NXPE4: variants seen among roughly 807,000 people sequenced by gnomAD.
NXPE4 encodes the protein NXPE family member 4.
NXPE4 carries 42 observed loss-of-function variants against 33.3 expected under a neutral mutation model. That is an observed-to-expected ratio of 1.26 (90% confidence interval 0.98 to 1.63). The LOEUF (loss-of-function observed/expected upper bound fraction) is 1.63, where lower values mean the gene tolerates loss of function less well. NXPE4 is among the 40% of genes most tolerant of loss of function. The pLI is 0.00. For missense variants in NXPE4, 709 were observed against 647.6 expected (o/e 1.09, Z -1.03); for synonymous variants, 253 against 234.9 (o/e 1.08, Z -0.71).
chr11:114,611,034 C>T, the NXPE4 span, among the ~76,000 whole-genome samples: 2 of 151,472 alleles, frequency 1.3e-5, no homozygotes, highest in East Asian at 2.0e-4. Context: ...AACTCTTACT[C>T]TGTGGATTAT....
At chr11:114,645,052 A>T in the NXPE4 span, among the ~76,000 whole-genome samples, 1 of 152,148 alleles carries the variant, frequency 6.6e-6, no homozygotes, top group South Asian at 2.1e-4. Flanking sequence ...CTGTAATCTC[A>T]GCACTTTGGG....
the NXPE4 span, among the ~76,000 whole-genome samples, chr11:114,669,154 T>TC: frequency 6.6e-6 from 1 of 152,050 alleles, no homozygotes; most frequent in African/African-American, 2.4e-5. Context: ...GTGGACCCTC[T>TC]CCCCAGTGGA....
chr11:114,662,037 A>G, the NXPE4 span, among the ~76,000 whole-genome samples: 1 of 152,182 alleles, frequency 6.6e-6, no homozygotes, highest in East Asian at 1.9e-4. Context: ...CCCCGCAAGG[A>G]CACCAATTTA....
At chr11:114,588,869 C>A (rs1949373540) in intron 2 of NXPE4, among the ~76,000 whole-genome samples, 2 of 152,124 alleles carry the variant, frequency 1.3e-5, no homozygotes, top group African/African-American at 4.8e-5. Flanking sequence ...AAGTTTATTA[C>A]ACAGGCAGCT....
the NXPE4 span, among the ~76,000 whole-genome samples, chr11:114,625,273 G>C: frequency 1.3e-5 from 2 of 152,072 alleles, no homozygotes; most frequent in Admixed American, 1.3e-4. Flanking sequence ...TGGGTAATAC[G>C]AGTTGCCTCA....
chr11:114,650,348 A>G, the NXPE4 span, among the ~76,000 whole-genome samples: 1 of 152,228 alleles, frequency 6.6e-6, no homozygotes, highest in African/African-American at 2.4e-5. Context: ...TCACCAGAAA[A>G]GAGGATGTCA....
the NXPE4 span, among the ~76,000 whole-genome samples, chr11:114,638,737 C>G: frequency 1.3e-5 from 2 of 151,916 alleles, no homozygotes; most frequent in East Asian, 1.9e-4. Flanking sequence ...TACTCCAGAC[C>G]CTGTTTGCCT....
chr11:114,581,618 A>G lies in NXPE4; in HGVS notation c.892+107T>C. The G allele has an allele frequency of 4.6e-6, 4 of 874,086 alleles. No individual in the cohort carries two copies. In the East Asian group the frequency reaches 7.9e-5, roughly 17 times the overall value. 54.1% of individuals were successfully genotyped at this position (874,086 alleles called of 1,614,324 possible). On this transcript the variant is annotated intron_variant, in intron 4 of 5. Coordinates refer to ENST00000375478, the MANE Select transcript of NXPE4 (RefSeq NM_001077639.2). Reference sequence around the variant, plus strand: ...TGGCCAACCTTAGATAAGCCAGATGAACAGAGTGCTGATAGGACTGAAACA... The same window carrying G: ...TGGCCAACCTTAGATAAGCCAGATGGACAGAGTGCTGATAGGACTGAAACA...
the NXPE4 span, among the ~76,000 whole-genome samples, chr11:114,639,610 G>T: frequency 6.8e-6 from 1 of 148,062 alleles, no homozygotes; most frequent in Non-Finnish European, 1.5e-5. Flanking sequence ...GGCCATCTTG[G>T]CTGCCCCACC....
chr11:114,626,679 T>A, the NXPE4 span, among the ~76,000 whole-genome samples: 3 of 152,224 alleles, frequency 2.0e-5, no homozygotes, highest in Admixed American at 1.3e-4. Context: ...GGAGAATGAC[T>A]TTGATGAGCT....
chr11:114,635,878 C>A, the NXPE4 span, among the ~76,000 whole-genome samples: 1 of 151,906 alleles, frequency 6.6e-6, no homozygotes, highest in African/African-American at 2.4e-5. Context: ...AGTATTTTAT[C>A]GAGAATTTTT....
chr11:114,661,188 A>T, the NXPE4 span, among the ~76,000 whole-genome samples: 122 of 152,310 alleles, frequency 8.0e-4, no homozygotes, highest in Non-Finnish European at 1.2e-3. Context: ...AAATTGATCT[A>T]TAGATTCAAT....
the NXPE4 span, among the ~76,000 whole-genome samples, chr11:114,602,020 AAT>A: frequency 6.8e-5 from 6 of 88,204 alleles, no homozygotes; most frequent in Admixed American, 2.1e-4. Context: ...TATTATATAT[AAT>A]ATATGTTATA....
At chr11:114,676,775 AAGTC>A in the NXPE4 span, among the ~76,000 whole-genome samples, 2 of 152,230 alleles carry the variant, frequency 1.3e-5, no homozygotes, top group South Asian at 4.1e-4. Flanking sequence ...AAAGGAAAAG[AAGTC>A]AGTATTTAAG....
intron 5 of NXPE4, among the ~76,000 whole-genome samples, chr11:114,576,504 GAAAAAAAAAGT>G (rs551501527): frequency 1.3e-5 from 2 of 149,686 alleles, no homozygotes; most frequent in South Asian, 4.2e-4. Context: ...AAATCAGCAA[GAAAAAAAAAGT>G]CCCATCAAAA....
chr11:114,654,789 A>C, the NXPE4 span, among the ~76,000 whole-genome samples: 1 of 152,176 alleles, frequency 6.6e-6, no homozygotes, highest in African/African-American at 2.4e-5. Context: ...ATATGTGTGC[A>C]TGTGTCTTTA....
At chr11:114,667,866 C>A in the NXPE4 span, among the ~76,000 whole-genome samples, 1 of 152,154 alleles carries the variant, frequency 6.6e-6, no homozygotes, top group African/African-American at 2.4e-5. Flanking sequence ...AAATAAGCCA[C>A]TCCTAAGTTC....
At chr11:114,600,537 A>G (rs898715014), upstream of NXPE4, among the ~76,000 whole-genome samples, 4 of 152,114 alleles carry the variant, frequency 2.6e-5, no homozygotes, top group Non-Finnish European at 5.9e-5. Context: ...TTGCATAGAA[A>G]AAAATTGAGT....
the NXPE4 span, among the ~76,000 whole-genome samples, chr11:114,603,882 G>A: frequency 6.6e-6 from 1 of 150,584 alleles, no homozygotes; most frequent in African/African-American, 2.5e-5. Flanking sequence ...ATTATCTGGT[G>A]GTTAATAAGT....
Sources: allele counts gnomAD v4.1 joint callset (sites outside exome capture counted in the v4.1 genomes callset), GRCh38; gene constraint gnomAD v4.1.1; transcripts MANE v1.5; gene names NCBI Gene and HGNC (gene_info 2026-07-23, HGNC 2026-07-21).